The following ZFYVE1 variants were observed in gnomAD, a reference collection of about 807,000 sequenced individuals.
The protein encoded by ZFYVE1 is zinc finger FYVE-type containing 1.
In ZFYVE1, 30 loss-of-function variants were observed where a neutral mutation model predicts 74.4. That is an observed-to-expected ratio of 0.40 (90% CI 0.30 to 0.55). ZFYVE1 has a LOEUF of 0.55. ZFYVE1 is among the 20% of genes least tolerant of loss of function. The pLI, the probability that ZFYVE1 is intolerant of heterozygous loss-of-function variation, is 0.42. For synonymous variants in ZFYVE1, 335 were observed against 385.1 expected (o/e 0.87, Z 1.52); for missense variants, 703 against 1,011.6 (o/e 0.69, Z 4.14).
At chr14:72,983,922 G>A (rs935938289) in intron 4 of ZFYVE1, among the ~76,000 whole-genome samples, 1 of 152,102 alleles carries the variant, frequency 6.6e-6, no homozygotes, top group African/African-American at 2.4e-5. Context: ...AGTTAGAATG[G>A]CGATCATTAA....
chr14:73,013,599 CAA>C (rs1303639210), intron 2 of ZFYVE1, among the ~76,000 whole-genome samples: 1 of 134,832 alleles, frequency 7.4e-6, no homozygotes, highest in Admixed American at 7.6e-5. Flanking sequence ...AACTCCATCT[CAA>C]AAAAAAAAAG....
intron 5 of ZFYVE1, among the ~76,000 whole-genome samples, chr14:72,980,320 T>C (rs996604617): frequency 6.6e-6 from 1 of 152,118 alleles, no homozygotes. Context: ...ACAGGGTGGT[T>C]CTGGTAGAAG....
intron 2 of ZFYVE1, among the ~76,000 whole-genome samples, chr14:73,015,101 G>A (rs554383692): frequency 1.3e-5 from 2 of 151,278 alleles, no homozygotes; most frequent in Admixed American, 6.6e-5. Flanking sequence ...CATGGTGGCA[G>A]GCGCCTATAG....
rs1893010368 is a variant in ZFYVE1 at position 72,970,731 on chromosome 14, G to C, written c.*151C>G. On this transcript the variant is annotated 3_prime_UTR_variant, in exon 12 of 12. Coordinates refer to ENST00000556143, the MANE Select transcript of ZFYVE1 (RefSeq NM_021260.4). ...GTCCACACCTTCGGGCCTGCCGCCA[G>C]GCTCACCCCCACTGAGGGAAAGTGG... The C allele has an allele frequency of 1.1e-6, 1 of 876,042 alleles. No individual in the cohort carries two copies. The highest frequency in any genetic ancestry group is 1.7e-5 in the African/African-American group (1 of 58,942). 54.3% of individuals were successfully genotyped at this position (876,042 alleles called of 1,614,324 possible).
intron 2 of ZFYVE1, among the ~76,000 whole-genome samples, chr14:73,006,664 G>A (rs1893986430): frequency 6.9e-6 from 1 of 144,738 alleles, no homozygotes; most frequent in Non-Finnish European, 1.5e-5. Flanking sequence ...AGAAGAGTCT[G>A]TAAAATGAAA....
At chr14:72,985,351 T>C (rs1177404163) in intron 4 of ZFYVE1, among the ~76,000 whole-genome samples, 2 of 151,970 alleles carry the variant, frequency 1.3e-5, no homozygotes, top group Admixed American at 1.3e-4. Context: ...TGTTTTGTTA[T>C]TGAGACAGTC....
At chr14:72,979,868 T>C (rs1277331448) in intron 5 of ZFYVE1, among the ~76,000 whole-genome samples, 2 of 152,110 alleles carry the variant, frequency 1.3e-5, no homozygotes, top group African/African-American at 2.4e-5. Context: ...AATTTGGCAA[T>C]GCATTAAGGG....
intron 5 of ZFYVE1, 95 bp from the exon 6 acceptor site, chr14:72,979,064 AC>A: frequency 9.4e-7 from 1 of 1,063,444 alleles, no homozygotes; most frequent in Non-Finnish European, 1.5e-6. Context: ...CAAGGCCACG[AC>A]CAGACCTTGA....
intron 2 of ZFYVE1, among the ~76,000 whole-genome samples, chr14:73,022,435 A>G (rs1478545337): frequency 6.6e-6 from 1 of 152,194 alleles, no homozygotes; most frequent in Non-Finnish European, 1.5e-5. Context: ...CACCACCATC[A>G]AAAGTACTGA....
rs745448631 is a variant in ZFYVE1 at position 73,024,613 on chromosome 14, G to T, written c.-105C>A. The stretch of plus-strand genomic sequence containing the variant: ...TGAAGACTGCACGAAACTTCCACAG[G>T]GTTCTGAACACTTTAAAAAAGAACA... On this transcript the variant is annotated 5_prime_UTR_variant, in exon 2 of 12. Coordinates refer to ENST00000556143, the MANE Select transcript of ZFYVE1 (RefSeq NM_021260.4). 7 of 1,445,546 alleles carry T rather than the reference G, an allele frequency of 4.8e-6. No homozygotes were observed. Among genetic ancestry groups the T allele is most frequent in the Non-Finnish European group, 5.5e-6 (6 of 1,086,678 alleles). The allele number at this position is 1,445,546 out of a possible 1,614,324, so 89.5% of individuals were successfully genotyped here.
At chr14:72,982,034 AC>A (rs1175701972) in intron 4 of ZFYVE1, 139 bp from the exon 5 acceptor site, 4 of 690,616 alleles carry the variant, frequency 5.8e-6, no homozygotes, top group Non-Finnish European at 1.0e-5. Flanking sequence ...GACCTTCCTG[AC>A]CCCACTCACA....
At chr14:72,979,190 A>G (rs1223023251) in intron 5 of ZFYVE1, 2 of 490,258 alleles carry the variant, frequency 4.1e-6, no homozygotes, top group Non-Finnish European at 7.5e-6. Flanking sequence ...CTATCCTTGT[A>G]TGAGGACACA....
Position 72,993,796 on chromosome 14 carries a change from G to C in ZFYVE1, c.989-439C>G, listed in dbSNP as rs1011926995. On this transcript the variant is annotated intron_variant, in intron 3 of 11. Coordinates refer to ENST00000556143, the MANE Select transcript of ZFYVE1 (RefSeq NM_021260.4). ...CCCAGCATTATGGGAGGCCGAGGCAGGTGGATCACCAGGTCAAGAGATGGA... is the reference window on the plus strand; with the variant it reads ...CCCAGCATTATGGGAGGCCGAGGCACGTGGATCACCAGGTCAAGAGATGGA... 6.6e-5 allele frequency among the ~76,000 whole-genome samples: 10 copies of C among 152,098 alleles called. No individual in the cohort carries two copies. In the East Asian group the frequency reaches 1.9e-3, roughly 29 times the overall value.
chr14:73,020,905 T>G (rs577770112), intron 2 of ZFYVE1, among the ~76,000 whole-genome samples: 1 of 152,276 alleles, frequency 6.6e-6, no homozygotes, highest in South Asian at 2.1e-4. Context: ...AGCTACTTTT[T>G]TTATTTTCAT....
At chr14:73,013,152 T>C (rs1402378235) in intron 2 of ZFYVE1, among the ~76,000 whole-genome samples, 1 of 152,174 alleles carries the variant, frequency 6.6e-6, no homozygotes, top group Admixed American at 6.6e-5. Context: ...TTCTAGAAGC[T>C]ACCTGGAAGT....
chr14:73,023,512 A>G (rs1894390442), intron 2 of ZFYVE1, among the ~76,000 whole-genome samples: 2 of 148,390 alleles, frequency 1.3e-5, no homozygotes, highest in African/African-American at 2.5e-5. Flanking sequence ...TCCTTATTAA[A>G]AGCCACTTTT....
At chr14:72,991,897 G>A (rs958351615) in intron 4 of ZFYVE1, among the ~76,000 whole-genome samples, 9 of 150,620 alleles carry the variant, frequency 6.0e-5, no homozygotes, top group African/African-American at 2.2e-4. Flanking sequence ...CTCTTTAAGA[G>A]GCCAAATCTC....
In ZFYVE1 at chr14:72,997,951, G is replaced by A; in HGVS notation, c.848C>T (p.Ala283Val). 24 of 1,614,156 alleles carry A rather than the reference G, an allele frequency of 1.5e-5. No individual in the cohort carries two copies. Among genetic ancestry groups the A allele is most frequent in the Non-Finnish European group, 2.0e-5 (24 of 1,180,030 alleles). Residue 283 changes from alanine (A) to valine (V), a missense_variant, in exon 3 of 12, where the codon GCC (alanine) becomes GTC (valine). Ala to Val is a moderately conservative substitution (Grantham distance 64, BLOSUM62 0). Transcript: ENST00000556143. ...GAAGTGCTTCAGATAAGCTTCTGAG[G>A]CATCCCCAAGGAATTTGAAGAGGTC... The part of the protein sequence containing the change: ...HNDLFKFLGD[A>V]SEAYLKHFTK...
At chr14:73,000,378 G>A (rs1268806827) in intron 2 of ZFYVE1, among the ~76,000 whole-genome samples, 1 of 152,096 alleles carries the variant, frequency 6.6e-6, no homozygotes, top group Non-Finnish European at 1.5e-5. Context: ...AAAAAGAGAG[G>A]ATAGCTTGAG....
Sources: allele counts gnomAD v4.1 joint callset (sites outside exome capture counted in the v4.1 genomes callset), GRCh38; gene constraint gnomAD v4.1.1; transcripts MANE v1.5; gene names NCBI Gene and HGNC (gene_info 2026-07-23, HGNC 2026-07-21).